The following REEP3 variants were observed in gnomAD, a reference collection of about 807,000 sequenced individuals.
REEP3 encodes the protein receptor expression-enhancing protein 3.
REEP3 carries 20 observed loss-of-function variants against 41.3 expected under a neutral mutation model. The ratio of observed to expected loss-of-function variants is 0.48; its 90% CI spans 0.34 to 0.70. The LOEUF is 0.70. Among genes scored for constraint, REEP3 ranks in the 30% least tolerant of loss-of-function variants. REEP3 has a pLI of 0.01. For synonymous variants in REEP3, 104 were observed against 101.8 expected, an observed-to-expected ratio of 1.02 and a Z score of -0.13; for missense variants, 271 against 308.8, an observed-to-expected ratio of 0.88 and a Z score of 0.92.
At chr10:63,603,058 A>C (rs917458721) in intron 5 of REEP3, among the ~76,000 whole-genome samples, 2 of 152,050 alleles carry the variant, frequency 1.3e-5, no homozygotes, top group Admixed American at 1.3e-4. Flanking sequence ...TCACACCTGT[A>C]ATCCCAGCAC....
intron 6 of REEP3, 83 bp from the exon 7 acceptor site, chr10:63,619,572 A>G: frequency 8.2e-7 from 1 of 1,220,854 alleles, no homozygotes; most frequent in Non-Finnish European, 1.1e-6. Context: ...AACCATACAA[A>G]GAACTGTACA....
chr10:63,592,494 A>G (rs1589880091), intron 2 of REEP3, among the ~76,000 whole-genome samples: 1 of 152,120 alleles, frequency 6.6e-6, no homozygotes, highest in Admixed American at 6.5e-5. Flanking sequence ...TGATTCCCCA[A>G]ATCCCTGCTA....
At chr10:63,619,319 A>G (rs1956335088) in intron 6 of REEP3, among the ~76,000 whole-genome samples, 2 of 152,234 alleles carry the variant, frequency 1.3e-5, no homozygotes, top group Non-Finnish European at 2.9e-5. Flanking sequence ...AGGTGGGAAG[A>G]GACTTTTTGC....
intron 5 of REEP3, among the ~76,000 whole-genome samples, chr10:63,604,563 G>A (rs773467606): frequency 3.9e-5 from 6 of 151,988 alleles, no homozygotes; most frequent in East Asian, 3.9e-4. Flanking sequence ...AAATGATCCC[G>A]ATTAGGTCAA....
chr10:63,552,172 A>T (rs956148156), intron 1 of REEP3, among the ~76,000 whole-genome samples: 3 of 152,078 alleles, frequency 2.0e-5, no homozygotes. Flanking sequence ...TGGGAGGCCG[A>T]GGCAGGTGGA....
intron 1 of REEP3, among the ~76,000 whole-genome samples, chr10:63,524,028 A>C (rs1165770095): frequency 6.6e-6 from 1 of 152,198 alleles, no homozygotes; most frequent in Non-Finnish European, 1.5e-5. Context: ...ACAGGGAGCA[A>C]TAATGTGAGG....
intron 5 of REEP3, among the ~76,000 whole-genome samples, chr10:63,609,482 G>A (rs1237001211): frequency 4.0e-5 from 6 of 151,284 alleles, no homozygotes; most frequent in Non-Finnish European, 4.4e-5. Context: ...GCCCTTGGCC[G>A]GGCTTAGTGG....
chr10:63,578,950 G>A (rs1290255808), intron 2 of REEP3, among the ~76,000 whole-genome samples: 1 of 149,588 alleles, frequency 6.7e-6, no homozygotes, highest in African/African-American at 2.5e-5. Flanking sequence ...TATTTTATAT[G>A]TAATATATAC....
At chr10:63,556,542 A>G (rs1283857184) in intron 1 of REEP3, among the ~76,000 whole-genome samples, 2 of 151,480 alleles carry the variant, frequency 1.3e-5, no homozygotes, top group African/African-American at 4.9e-5. Context: ...TTAATTTTAC[A>G]TGAAATCATT....
At chr10:63,538,566 T>C (rs1180219934) in intron 1 of REEP3, among the ~76,000 whole-genome samples, 1 of 152,030 alleles carries the variant, frequency 6.6e-6, no homozygotes, top group Non-Finnish European at 1.5e-5. Flanking sequence ...AAACCCTGTC[T>C]CTACTAAAAA....
chr10:63,620,078 A>G (rs1181338094), intron 7 of REEP3, among the ~76,000 whole-genome samples: 1 of 151,880 alleles, frequency 6.6e-6, no homozygotes, highest in Non-Finnish European at 1.5e-5. Context: ...AACTACAGGC[A>G]CATGCCACCG....
chr10:63,553,590 G>A (rs1955649672), intron 1 of REEP3, among the ~76,000 whole-genome samples: 1 of 152,102 alleles, frequency 6.6e-6, no homozygotes, highest in African/African-American at 2.4e-5. Flanking sequence ...GGGAGGGCTT[G>A]GCCAGAATTT....
Position 63,584,824 on chromosome 10 carries a change from A to T in REEP3, c.106-9954A>T, listed in dbSNP as rs796814914. Among the ~76,000 whole-genome samples the T allele has an allele frequency of 5.3e-5, 8 of 152,342 alleles. 1 individual carries two copies. The highest frequency in any genetic ancestry group is 1.9e-4 in the African/African-American group (8 of 41,584). On this transcript the variant is annotated intron_variant, in intron 2 of 7. Transcript: ENST00000373758. ...AGTGGGTAACAAGTAATGGTCAGAA[A>T]ATAAAGTTCTCATTGGGTGGTCTGA...
chr10:63,525,794 C>T (rs1305243936), intron 1 of REEP3, among the ~76,000 whole-genome samples: 1 of 152,160 alleles, frequency 6.6e-6, no homozygotes, highest in Non-Finnish European at 1.5e-5. Context: ...TGAAACATGA[C>T]TCTCATAAGT....
intron 2 of REEP3, 93 bp downstream of exon 2, chr10:63,566,503 T>C (rs1326922545): frequency 1.4e-6 from 1 of 718,638 alleles, no homozygotes; most frequent in Non-Finnish European, 2.3e-6. Context: ...GCTGGAGTAG[T>C]GTTTTGGGTT....
chr10:63,578,230 G>T (rs1163240668), intron 2 of REEP3, among the ~76,000 whole-genome samples: 1 of 152,112 alleles, frequency 6.6e-6, no homozygotes, highest in South Asian at 2.1e-4. Context: ...CTCCCGAGTA[G>T]CTGGGATTAC....
chr10:63,534,100 T>C (rs7920036), intron 1 of REEP3, among the ~76,000 whole-genome samples: 64,441 of 151,774 alleles, frequency 0.42, 14,404 homozygotes, highest in South Asian at 0.53. Flanking sequence ...TGTAGAGATA[T>C]TCTAAAAAAA....
In REEP3 at chr10:63,623,026, C is replaced by T. The variant is rs1451224154; in HGVS notation, c.*2157C>T. The T allele has an allele frequency of 1.3e-5, 2 of 152,176 alleles. No individual in the cohort carries two copies. Among genetic ancestry groups the T allele is most frequent in the East Asian group, 1.9e-4 (1 of 5,196 alleles). The allele number at this position is 152,176 out of a possible 1,614,324, so 9.4% of individuals were successfully genotyped here. A position where few individuals can be genotyped will look rare whatever the true frequency, so the allele number is the denominator to read the frequency against. ...AGCCACCATTTTATCTCTCTAAAGT[C>T]TGGTCCCAGTATTAAACCTATTCTT... On this transcript the variant is annotated 3_prime_UTR_variant, in exon 8 of 8. Coordinates refer to ENST00000373758, the MANE Select transcript of REEP3 (RefSeq NM_001001330.3).
At chr10:63,568,170 T>C (rs1301608452) in intron 2 of REEP3, among the ~76,000 whole-genome samples, 1 of 152,134 alleles carries the variant, frequency 6.6e-6, no homozygotes, top group Non-Finnish European at 1.5e-5. Flanking sequence ...CATACATTAG[T>C]TTCTAGATGC....
Sources: allele counts gnomAD v4.1 joint callset (sites outside exome capture counted in the v4.1 genomes callset), GRCh38; gene constraint gnomAD v4.1.1; transcripts MANE v1.5; gene names NCBI Gene and HGNC (gene_info 2026-07-23, HGNC 2026-07-21).